The following ST6GALNAC3 variants were observed in gnomAD, a reference collection of about 807,000 sequenced individuals.
The protein encoded by ST6GALNAC3 is alpha-N-acetylgalactosaminide alpha-2,6-sialyltransferase 3.
In ST6GALNAC3, 25 loss-of-function variants were observed where a neutral mutation model predicts 32.7. The observed-to-expected ratio is 0.76, with a 90% confidence interval of 0.56 to 1.07. ST6GALNAC3 has a LOEUF of 1.07. ST6GALNAC3 is among the 50% of genes least tolerant of loss of function. ST6GALNAC3 has a pLI of 0.00. For missense variants in ST6GALNAC3, 355 were observed against 382.4 expected, an observed-to-expected ratio of 0.93 and a Z score of 0.60; for synonymous variants, 129 against 133.1, an observed-to-expected ratio of 0.97 and a Z score of 0.21.
At chr1:76,117,975 CT>C (rs951636586) in intron 1 of ST6GALNAC3, among the ~76,000 whole-genome samples, 5 of 151,960 alleles carry the variant, frequency 3.3e-5, no homozygotes, top group Admixed American at 2.6e-4. Context: ...ACAGTAAGTT[CT>C]TTTTTTTATT....
intron 1 of ST6GALNAC3, among the ~76,000 whole-genome samples, chr1:76,208,304 A>G (rs1450909857): frequency 6.6e-6 from 1 of 152,266 alleles, no homozygotes; most frequent in East Asian, 1.9e-4. Context: ...ATTCAGTATG[A>G]AAGTGCTTTG....
chr1:76,550,456 A>ATG (rs1311046879), intron 3 of ST6GALNAC3, among the ~76,000 whole-genome samples: 2 of 152,118 alleles, frequency 1.3e-5, no homozygotes, highest in African/African-American at 4.8e-5. Flanking sequence ...GTTTGCATGT[A>ATG]TGTGTGTGTC....
At chr1:76,252,712 T>C (rs988487763) in intron 1 of ST6GALNAC3, among the ~76,000 whole-genome samples, 3 of 152,208 alleles carry the variant, frequency 2.0e-5, no homozygotes, top group African/African-American at 7.2e-5. Context: ...TGTCCAAGAC[T>C]GTAAACACAG....
intron 3 of ST6GALNAC3, among the ~76,000 whole-genome samples, chr1:76,440,729 G>T (rs1293216488): frequency 1.3e-5 from 2 of 152,076 alleles, no homozygotes; most frequent in Non-Finnish European, 2.9e-5. Flanking sequence ...TCCCTGTCTG[G>T]CAATAATTGG....
intron 1 of ST6GALNAC3, among the ~76,000 whole-genome samples, chr1:76,285,040 AAAGG>A (rs1283019492): frequency 6.6e-6 from 1 of 152,190 alleles, no homozygotes; most frequent in Non-Finnish European, 1.5e-5. Flanking sequence ...TGAGGCAAGG[AAAGG>A]AAGATCTGAG....
At chr1:76,527,719 A>T (rs889272170) in intron 3 of ST6GALNAC3, among the ~76,000 whole-genome samples, 9 of 152,092 alleles carry the variant, frequency 5.9e-5, no homozygotes, top group Admixed American at 1.3e-4. Context: ...GTTCTAGGAA[A>T]TGGACAAAAG....
chr1:76,628,457 A>C, intron 4 of ST6GALNAC3, among the ~76,000 whole-genome samples, 163 bp from the exon 5 acceptor site: 2 of 152,112 alleles, frequency 1.3e-5, no homozygotes, highest in Middle Eastern at 3.4e-3. Flanking sequence ...CATCTTCCTA[A>C]AAGCTTTCAT....
chr1:76,488,614 G>A (rs1477286895), intron 3 of ST6GALNAC3, among the ~76,000 whole-genome samples: 2 of 152,150 alleles, frequency 1.3e-5, no homozygotes, highest in South Asian at 2.1e-4. Flanking sequence ...AAATTCATGG[G>A]TGAATTCAAG....
At chr1:76,595,126 G>T (rs908739052) in intron 3 of ST6GALNAC3, among the ~76,000 whole-genome samples, 5 of 152,110 alleles carry the variant, frequency 3.3e-5, no homozygotes, top group African/African-American at 1.2e-4. Context: ...GAGCAGCTAG[G>T]GGACTGCTGA....
At chr1:76,119,011 C>T (rs1003057741) in intron 1 of ST6GALNAC3, among the ~76,000 whole-genome samples, 7 of 152,228 alleles carry the variant, frequency 4.6e-5, no homozygotes, top group African/African-American at 1.2e-4. Context: ...TTAGTAGAGA[C>T]GGGGTTTCAC....
intron 3 of ST6GALNAC3, among the ~76,000 whole-genome samples, chr1:76,458,677 T>C (rs12759317): frequency 0.046 from 6,550 of 141,436 alleles, 242 homozygotes; most frequent in African/African-American, 0.11. Flanking sequence ...TAGGTGGGAA[T>C]TGAACAATGA....
intron 1 of ST6GALNAC3, among the ~76,000 whole-genome samples, chr1:76,251,612 T>A (rs1657621835): frequency 6.6e-6 from 1 of 152,132 alleles, no homozygotes; most frequent in South Asian, 2.1e-4. Context: ...TTCTATAAGT[T>A]CCCCAATCCA....
At chr1:76,241,234 G>A (rs1656945153) in intron 1 of ST6GALNAC3, among the ~76,000 whole-genome samples, 2 of 152,142 alleles carry the variant, frequency 1.3e-5, no homozygotes, top group African/African-American at 4.8e-5. Flanking sequence ...TGCTATAAAG[G>A]AATATATAAA....
intron 1 of ST6GALNAC3, among the ~76,000 whole-genome samples, chr1:76,124,064 G>T (rs1649072922): frequency 6.6e-6 from 1 of 151,796 alleles, no homozygotes; most frequent in South Asian, 2.1e-4. Context: ...TTTTAATTTG[G>T]AATGCATTTG....
intron 3 of ST6GALNAC3, among the ~76,000 whole-genome samples, chr1:76,445,449 A>G (rs1656903922): frequency 6.6e-6 from 1 of 152,200 alleles, no homozygotes; most frequent in African/African-American, 2.4e-5. Context: ...ATTAACAAAT[A>G]CATCATGTTA....
intron 1 of ST6GALNAC3, among the ~76,000 whole-genome samples, chr1:76,123,130 G>A (rs747655107): frequency 2.9e-4 from 44 of 152,320 alleles, no homozygotes; most frequent in Non-Finnish European, 3.1e-4. Context: ...CCAGCACTTT[G>A]GAAGGCCGAG....
At chr1:76,513,414 A>G (rs1449808789) in intron 3 of ST6GALNAC3, among the ~76,000 whole-genome samples, 1 of 152,028 alleles carries the variant, frequency 6.6e-6, no homozygotes, top group Non-Finnish European at 1.5e-5. Context: ...TATTCTTGGC[A>G]CCTCTGTTGA....
intron 2 of ST6GALNAC3, among the ~76,000 whole-genome samples, chr1:76,384,223 TAAA>T (rs1651926295): frequency 6.6e-6 from 1 of 152,016 alleles, no homozygotes; most frequent in East Asian, 1.9e-4. Context: ...ACACCAATGA[TAAA>T]GAAGCTAATA....
At chr1:76,578,871 A>G (rs1052032860) in intron 3 of ST6GALNAC3, among the ~76,000 whole-genome samples, 1 of 152,060 alleles carries the variant, frequency 6.6e-6, no homozygotes, top group Non-Finnish European at 1.5e-5. Flanking sequence ...CAAGCAGAAT[A>G]TAAATAAGAC....
Sources: gnomAD v4.1 joint callset for allele counts (sites outside exome capture counted in the v4.1 genomes callset) on GRCh38, gnomAD v4.1.1 for gene constraint, MANE v1.5 for transcripts, NCBI Gene and HGNC (gene_info 2026-07-23, HGNC 2026-07-21) for gene names.